The following PANK1 variants were observed in gnomAD, a reference collection of about 807,000 sequenced individuals.
PANK1 encodes the protein pantothenate kinase 1.
PANK1 carries 18 observed loss-of-function variants against 40.1 expected under a neutral mutation model. That is an observed-to-expected ratio of 0.45 (90% CI 0.31 to 0.67). PANK1 has a LOEUF of 0.67. Among genes scored for constraint, PANK1 ranks in the 30% least tolerant of loss-of-function variants. The pLI, the probability that PANK1 is intolerant of heterozygous loss-of-function variation, is 0.06. For missense variants in PANK1, 457 were observed against 599.6 expected (o/e 0.76, Z 2.48); for synonymous variants, 242 against 237.7 (o/e 1.02, Z -0.17).
intron 1 of PANK1, among the ~76,000 whole-genome samples, chr10:89,642,637 A>G (rs554429873): frequency 5.3e-4 from 81 of 152,344 alleles, no homozygotes; most frequent in African/African-American, 1.8e-3. Flanking sequence ...CTAAATATCA[A>G]CTGATTGGAC....
At chr10:89,581,853 G>A (rs569009900), downstream of PANK1, 3 of 152,312 alleles carry the variant, frequency 2.0e-5, no homozygotes, top group South Asian at 2.1e-4. Context: ...TTGCTGCCAA[G>A]TGAGCTGTCA....
chr10:89,623,362 C>T (rs1355211734), intron 1 of PANK1, among the ~76,000 whole-genome samples: 1 of 151,912 alleles, frequency 6.6e-6, no homozygotes, highest in African/African-American at 2.4e-5. Flanking sequence ...GCTGGGACTA[C>T]AGGCACCCAC....
chr10:89,609,078 T>A (rs1462039454), intron 2 of PANK1, among the ~76,000 whole-genome samples: 2 of 152,186 alleles, frequency 1.3e-5, no homozygotes, highest in African/African-American at 2.4e-5. Context: ...TTCACTTTCT[T>A]TTTTGAGACA....
intron 1 of PANK1, among the ~76,000 whole-genome samples, chr10:89,622,006 A>T (rs1292607767): frequency 2.0e-5 from 3 of 152,230 alleles, no homozygotes; most frequent in Admixed American, 6.5e-5. Context: ...GAGCCGCTGC[A>T]TCTGGCCCAT....
At chr10:89,591,470 C>T (rs1186804341) in intron 5 of PANK1, among the ~76,000 whole-genome samples, 1 of 152,178 alleles carries the variant, frequency 6.6e-6, no homozygotes. Flanking sequence ...ATTTGGTAAA[C>T]GTGGTGTCCC....
chr10:89,598,803 A>G (rs1023590141), intron 3 of PANK1, among the ~76,000 whole-genome samples: 2 of 152,240 alleles, frequency 1.3e-5, no homozygotes, highest in Non-Finnish European at 2.9e-5. Context: ...GGGTAAAAAA[A>G]CATTCTTTGT....
At chr10:89,597,486 T>C (rs765097191) in intron 3 of PANK1, among the ~76,000 whole-genome samples, 1 of 152,200 alleles carries the variant, frequency 6.6e-6, no homozygotes, top group Non-Finnish European at 1.5e-5. Context: ...AATTTGTTGA[T>C]GACTGGAGAA....
At chr10:89,598,831 C>T (rs1844689419) in intron 3 of PANK1, among the ~76,000 whole-genome samples, 1 of 152,118 alleles carries the variant, frequency 6.6e-6, no homozygotes, top group South Asian at 2.1e-4. Context: ...GTTTGGTTTG[C>T]TGTTTGGAAT....
intron 2 of PANK1, among the ~76,000 whole-genome samples, chr10:89,607,378 T>C (rs1053388328): frequency 2.6e-5 from 4 of 152,234 alleles, no homozygotes; most frequent in Non-Finnish European, 2.9e-5. Flanking sequence ...GGGCATAATG[T>C]GGTGGGTGCC....
intron 1 of PANK1, among the ~76,000 whole-genome samples, chr10:89,613,693 G>C (rs892346514): frequency 3.3e-5 from 5 of 152,234 alleles, no homozygotes; most frequent in Non-Finnish European, 7.3e-5. Flanking sequence ...TCTGCAACCA[G>C]TGTAGGTTGG....
At chr10:89,591,529 A>T (rs900061437) in intron 5 of PANK1, among the ~76,000 whole-genome samples, 1 of 152,228 alleles carries the variant, frequency 6.6e-6, no homozygotes, top group African/African-American at 2.4e-5. Context: ...GACTCCAGAG[A>T]GCAAAGCAAG....
At chr10:89,580,969 A>C (rs11185766), downstream of PANK1, 93,271 of 152,130 alleles carry the variant, frequency 0.61, 29,117 homozygotes, top group East Asian at 0.93. Context: ...ACTACCCCTT[A>C]TTTAGCCTTT....
chr10:89,589,738 G>A (rs1478893405), intron 5 of PANK1, among the ~76,000 whole-genome samples: 1 of 151,760 alleles, frequency 6.6e-6, no homozygotes, highest in East Asian at 1.9e-4. Context: ...CGTGGGTGGA[G>A]GAGTGGAGGT....
intron 1 of PANK1, among the ~76,000 whole-genome samples, chr10:89,631,912 C>T (rs1841656627): frequency 6.6e-6 from 1 of 150,590 alleles, no homozygotes; most frequent in Non-Finnish European, 1.5e-5. Flanking sequence ...ACAATAGTCT[C>T]AACTGGATAT....
At chr10:89,642,758 C>T (rs1433758009) in intron 1 of PANK1, among the ~76,000 whole-genome samples, 1 of 152,124 alleles carries the variant, frequency 6.6e-6, no homozygotes, top group Non-Finnish European at 1.5e-5. Context: ...GATGTGACTC[C>T]TAGGAACATG....
At chr10:89,643,909 A>G (rs1364725838) in intron 1 of PANK1, 1 of 1,372,718 alleles carries the variant, frequency 7.3e-7, no homozygotes, top group Non-Finnish European at 9.5e-7. Context: ...GGTGTACATT[A>G]CAATTACAAA....
intron 1 of PANK1, among the ~76,000 whole-genome samples, chr10:89,621,290 C>A (rs7092865): frequency 0.077 from 11,239 of 146,086 alleles, 543 homozygotes; most frequent in Admixed American, 0.11. Flanking sequence ...AATAAGAGCA[C>A]AAACTCTGTC....
In PANK1 at chr10:89,631,790, G is replaced by A. The variant is rs571844910; in HGVS notation, c.292+12810C>T. Reference sequence around the variant, plus strand: ...AATAACAGGTATGGGCAAATGAAAGGATTCTCCAGGGGCAACACAAATCAG... The same window carrying A: ...AATAACAGGTATGGGCAAATGAAAGAATTCTCCAGGGGCAACACAAATCAG... On this transcript the variant is annotated intron_variant, in intron 1 of 6. Transcript: ENST00000307534. 1.2e-4 allele frequency among the ~76,000 whole-genome samples: 18 copies of A among 152,268 alleles called. No homozygotes were observed. The South Asian group carries it at 3.7e-3, about 32-fold the overall frequency.
chr10:89,607,625 G>A (rs1223522608), intron 2 of PANK1, among the ~76,000 whole-genome samples: 2 of 152,084 alleles, frequency 1.3e-5, no homozygotes, highest in African/African-American at 2.4e-5. Flanking sequence ...AAAGCTATAT[G>A]GGCAGAATTA....
Sources: allele counts gnomAD v4.1 joint callset (sites outside exome capture counted in the v4.1 genomes callset), GRCh38; gene constraint gnomAD v4.1.1; transcripts MANE v1.5; gene names NCBI Gene and HGNC (gene_info 2026-07-23, HGNC 2026-07-21).